PTP4A1: variants seen among roughly 807,000 people sequenced by gnomAD.
PTP4A1 encodes protein tyrosine phosphatase type IVA 1.
Under a neutral mutation model 20.5 loss-of-function variants are expected in PTP4A1, and 9 were observed. That is an observed-to-expected ratio of 0.44 (90% confidence interval 0.26 to 0.77). The LOEUF is 0.77. PTP4A1 is among the 30% of genes least tolerant of loss of function. The pLI, the probability that PTP4A1 is intolerant of heterozygous loss-of-function variation, is 0.19. For missense variants in PTP4A1, 137 were observed against 218.8 expected, an observed-to-expected ratio of 0.63 and a Z score of 2.36; for synonymous variants, 78 against 67.4, an observed-to-expected ratio of 1.16 and a Z score of -0.77.
intron 1 of PTP4A1, among the ~76,000 whole-genome samples, chr6:63,523,813 G>A (rs539760181): frequency 4.6e-5 from 7 of 152,126 alleles, no homozygotes; most frequent in Admixed American, 1.3e-4. Flanking sequence ...AGTGGGGCCC[G>A]GAGAAGCCAA....
At chr6:63,532,730 ATTG>A (rs903457422) in intron 2 of PTP4A1, among the ~76,000 whole-genome samples, 3 of 152,160 alleles carry the variant, frequency 2.0e-5, no homozygotes, top group African/African-American at 7.2e-5. Flanking sequence ...AAAATATTTT[ATTG>A]TTACAAATTT....
At chr6:63,539,457 A>G (rs1775860526) in intron 2 of PTP4A1, among the ~76,000 whole-genome samples, 1 of 152,168 alleles carries the variant, frequency 6.6e-6, no homozygotes, top group African/African-American at 2.4e-5. Flanking sequence ...TTGCAAATCA[A>G]CAAGGAACAG....
At chr6:63,522,237 G>A (rs960532882) in intron 1 of PTP4A1, among the ~76,000 whole-genome samples, 9 of 152,042 alleles carry the variant, frequency 5.9e-5, no homozygotes, top group African/African-American at 2.2e-4. Context: ...ACAATATATG[G>A]CAAATTTTAA....
chr6:63,554,047 G>A (rs1423966672), intron 3 of PTP4A1, among the ~76,000 whole-genome samples: 1 of 152,116 alleles, frequency 6.6e-6, no homozygotes, highest in East Asian at 1.9e-4. Flanking sequence ...TATCTGAGGA[G>A]GGGAGGAGTA....
chr6:63,576,741 T>A lies in PTP4A1; in HGVS notation c.-140T>A, dbSNP rs1777888481. On this transcript the variant is annotated 5_prime_UTR_variant, in exon 2 of 6. Coordinates refer to ENST00000626021, the MANE Select transcript of PTP4A1 (RefSeq NM_003463.5). ...TTAGGAGGTTCATTTCACTTATCAT[T>A]ACTTACAACTTCATACTCAAAGCAC... is the stretch of plus-strand genomic sequence containing the variant. 3 of 666,638 alleles carry A rather than the reference T, an allele frequency of 4.5e-6. No individual in the cohort carries two copies. The South Asian group carries it at 6.0e-5, about 13-fold the overall frequency. The allele number at this position is 666,638 out of a possible 1,614,324, so 41.3% of individuals were successfully genotyped here.
At position 63,578,504 on chromosome 6, in the gene PTP4A1, T is replaced by C; in HGVS notation, c.173T>C (p.Val58Ala). The change falls in exon 3 of 6, where the codon GTG becomes GCG. Residue 58 changes from valine to alanine, a missense_variant. By Grantham distance (64) the Val-to-Ala change is moderately conservative. Coordinates refer to ENST00000626021, the MANE Select transcript of PTP4A1 (RefSeq NM_003463.5). ...GAAGCAACTTATGACACTACTCTTGTGGAGAAAGAAGGTATCCATGTTCTT... is the reference window on the plus strand; with the variant it reads ...GAAGCAACTTATGACACTACTCTTGCGGAGAAAGAAGGTATCCATGTTCTT... ...VCEATYDTTL[V>A]EKEGIHVLDW... 6.2e-7 allele frequency: 1 copy of C among 1,612,324 alleles called. No individual in the cohort carries two copies. The highest frequency in any genetic ancestry group is 8.5e-7 in the Non-Finnish European group (1 of 1,179,348).
At chr6:63,576,348 G>C (rs753016942) in intron 1 of PTP4A1, 88 bp from the exon 2 acceptor site, 5 of 395,770 alleles carry the variant, frequency 1.3e-5, no homozygotes, top group Non-Finnish European at 1.8e-5. Flanking sequence ...AAAAATAGTT[G>C]TGTACTTAAA....
chr6:63,578,933 C>T lies in PTP4A1; in HGVS notation c.234C>T (p.Asn78=). The T allele has an allele frequency of 6.3e-7, 1 of 1,596,608 alleles. No individual in the cohort carries two copies. Among genetic ancestry groups the T allele is most frequent in the South Asian group, 1.1e-5 (1 of 87,178 alleles). Residue 78 remains asparagine, a synonymous_variant, in exon 4 of 6, where the codon AAC becomes AAT. Transcript: ENST00000626021. ...TTGATGATGGTGCACCACCATCCAACCAGATTGTTGATGACTGGTTAAGTC... is the reference window on the plus strand; with the variant it reads ...TTGATGATGGTGCACCACCATCCAATCAGATTGTTGATGACTGGTTAAGTC... The part of the protein sequence containing the change: ...WPFDDGAPPS[N]QIVDDWLSLV...
intron 3 of PTP4A1, among the ~76,000 whole-genome samples, chr6:63,559,297 A>C (rs1776830355): frequency 6.6e-6 from 1 of 152,212 alleles, no homozygotes; most frequent in Admixed American, 6.5e-5. Context: ...GCAAGGACTT[A>C]AGTGGAGTTA....
rs1018947269 is a variant in PTP4A1, at chr6:63,538,722, A to G, written c.-640+10638A>G. Among the ~76,000 whole-genome samples, 7 of 152,322 alleles carry G rather than the reference A, an allele frequency of 4.6e-5. No individual in the cohort carries two copies. In the East Asian group the frequency reaches 1.3e-3, roughly 29 times the overall value. Reference sequence around the variant, plus strand: ...ATAGTTCAAAACATTTAGCTGTCCCAGAATCACATGGAAGGCTTGTTAAAA... The same window carrying G: ...ATAGTTCAAAACATTTAGCTGTCCCGGAATCACATGGAAGGCTTGTTAAAA... On this transcript the variant is annotated intron_variant, in intron 2 of 3. Coordinates refer to the PTP4A1 transcript ENST00000639568.
chr6:63,521,463 G>C (rs1774922549), upstream of PTP4A1, among the ~76,000 whole-genome samples: 4 of 152,080 alleles, frequency 2.6e-5, no homozygotes, highest in Admixed American at 1.3e-4. Context: ...CACACCAAAG[G>C]AGCTAATTAC....
intron 2 of PTP4A1, among the ~76,000 whole-genome samples, chr6:63,578,025 G>C (rs548709789): frequency 6.6e-6 from 1 of 152,008 alleles, no homozygotes; most frequent in South Asian, 2.1e-4. Context: ...GAGTATAATT[G>C]AGTGAAGTCA....
intron 3 of PTP4A1, among the ~76,000 whole-genome samples, chr6:63,562,987 G>A (rs918742696): frequency 6.6e-5 from 10 of 152,104 alleles, no homozygotes; most frequent in African/African-American, 2.4e-4. Flanking sequence ...AATTTTTAGA[G>A]GCAGTGTGGC....
chr6:63,554,120 A>G (rs989367867), intron 3 of PTP4A1, among the ~76,000 whole-genome samples: 2 of 152,206 alleles, frequency 1.3e-5, no homozygotes, highest in Non-Finnish European at 2.9e-5. Context: ...TATTCAAAGT[A>G]ACAGATGGTA....
chr6:63,578,816 C>T, intron 3 of PTP4A1, 82 bp from the exon 4 acceptor site: 3 of 1,307,962 alleles, frequency 2.3e-6, no homozygotes, highest in Non-Finnish European at 3.0e-6. Context: ...CTTTTGAAAA[C>T]ATTTCCATGT....
chr6:63,531,645 A>G (rs2149477867), intron 2 of PTP4A1, among the ~76,000 whole-genome samples: 1 of 150,230 alleles, frequency 6.7e-6, no homozygotes, highest in South Asian at 2.1e-4. Context: ...ACGAGCCACC[A>G]TGCTTGATCA....
At chr6:63,550,375 G>A (rs1013754492) in exon 3 of PTP4A1, 4 of 152,162 alleles carry the variant, frequency 2.6e-5, no homozygotes, top group African/African-American at 7.2e-5. Context: ...GGTGAGCTGA[G>A]GGTGAAGCTA....
rs1345620214 is a variant in PTP4A1 at position 63,578,449 on chromosome 6, T to C, written c.118T>C (p.Tyr40His). 6.2e-7 allele frequency: 1 copy of C among 1,607,786 alleles called. No homozygotes were observed. Among genetic ancestry groups the C allele is most frequent in the African/African-American group, 1.3e-5 (1 of 74,504 alleles). ...LNKFIEELKK[Y>H]GVTTIVRVCE... ...ACGTTTTATCCAGGAACTTAAGAAG[T>C]ATGGAGTTACCACAATAGTAAGAGT... Residue 40 changes from tyrosine to histidine, a missense_variant, in exon 3 of 6, where the codon TAT (tyrosine) becomes CAT (histidine). Transcript: ENST00000626021.
Position 63,582,422 on chromosome 6 carries a change from A to C in PTP4A1, c.*2248A>C, listed in dbSNP as rs531469914. The C allele has an allele frequency of 6.6e-6, 1 of 152,658 alleles. No homozygotes were observed. The highest frequency in any genetic ancestry group is 2.1e-4 in the South Asian group (1 of 4,822). The allele number at this position is 152,658 out of a possible 1,614,324, so 9.5% of individuals were successfully genotyped here. On this transcript the variant is annotated 3_prime_UTR_variant, in exon 6 of 6. Transcript: ENST00000626021. ...AAAAATAAATTAATTTACTTTATAAACCTTATCTGTACATTATACGATGTG... is the reference window on the plus strand; with the variant it reads ...AAAAATAAATTAATTTACTTTATAACCCTTATCTGTACATTATACGATGTG...
Sources: allele counts gnomAD v4.1 joint callset (sites outside exome capture counted in the v4.1 genomes callset), GRCh38; gene constraint gnomAD v4.1.1; transcripts MANE v1.5; gene names NCBI Gene and HGNC (gene_info 2026-07-23, HGNC 2026-07-21).